AKT3: variants seen among roughly 807,000 people sequenced by gnomAD.
The protein encoded by AKT3 is AKT serine/threonine kinase 3.
A neutral mutation model predicts 65.3 loss-of-function variants in AKT3; 15 were observed. That is an observed-to-expected ratio of 0.23 (90% confidence interval 0.15 to 0.35). The LOEUF (loss-of-function observed/expected upper bound fraction) is 0.35, where lower values mean the gene tolerates loss of function less well. Among genes scored for constraint, AKT3 ranks in the 10% least tolerant of loss-of-function variants. The pLI, the probability that AKT3 is intolerant of heterozygous loss-of-function variation, is 1.00. For missense variants in AKT3, 243 were observed against 576.5 expected (o/e 0.42, Z 5.92); for synonymous variants, 206 against 183.8 (o/e 1.12, Z -0.98).
At chr1:243,840,567 T>C (rs1558862934) in intron 2 of AKT3, among the ~76,000 whole-genome samples, 1 of 152,220 alleles carries the variant, frequency 6.6e-6, no homozygotes, top group Non-Finnish European at 1.5e-5. Flanking sequence ...TGTTTAGTCA[T>C]ATTATTTATA....
At chr1:243,544,711 T>G (rs1054657426) in intron 12 of AKT3, among the ~76,000 whole-genome samples, 104 of 149,388 alleles carry the variant, frequency 7.0e-4, no homozygotes, top group African/African-American at 2.6e-3. Flanking sequence ...TTTTGTTTTT[T>G]TTTTTTTTAA....
chr1:243,643,227 G>C (rs1306158993), intron 5 of AKT3, among the ~76,000 whole-genome samples: 1 of 152,132 alleles, frequency 6.6e-6, no homozygotes, highest in African/African-American at 2.4e-5. Flanking sequence ...AGTTACTACA[G>C]CCAGGAATTA....
chr1:243,730,475 T>A (rs1351874774), intron 2 of AKT3, among the ~76,000 whole-genome samples: 1 of 152,196 alleles, frequency 6.6e-6, no homozygotes, highest in Non-Finnish European at 1.5e-5. Context: ...GGTGGTGACA[T>A]GCTCCCATTT....
intron 2 of AKT3, among the ~76,000 whole-genome samples, chr1:243,708,073 C>T (rs996400810): frequency 2.6e-5 from 4 of 151,954 alleles, no homozygotes; most frequent in South Asian, 2.1e-4. Flanking sequence ...AAAACTAAAA[C>T]GCACCCGCCA....
intron 4 of AKT3, among the ~76,000 whole-genome samples, chr1:243,649,323 GT>G (rs1558683165): frequency 2.9e-5 from 4 of 136,386 alleles, no homozygotes; most frequent in Non-Finnish European, 6.1e-5. Flanking sequence ...ATGTGTGTGT[GT>G]GTGTGTGTGT....
At chr1:243,519,190 C>T (rs1271587420) in intron 12 of AKT3, among the ~76,000 whole-genome samples, 2 of 152,216 alleles carry the variant, frequency 1.3e-5, no homozygotes, top group East Asian at 3.8e-4. Flanking sequence ...GCAGAAACAA[C>T]AGCCAACACC....
chr1:243,698,986 C>T (rs1319443429), intron 2 of AKT3, among the ~76,000 whole-genome samples: 4 of 151,104 alleles, frequency 2.6e-5, no homozygotes, highest in African/African-American at 9.7e-5. Flanking sequence ...CCTAGCTGTT[C>T]GAAAAGGAAC....
intron 2 of AKT3, among the ~76,000 whole-genome samples, chr1:243,754,919 G>A (rs982484883): frequency 6.6e-6 from 1 of 152,122 alleles, no homozygotes; most frequent in African/African-American, 2.4e-5. Context: ...AAGAATGATC[G>A]GGTTCAAAAA....
intron 2 of AKT3, among the ~76,000 whole-genome samples, chr1:243,777,404 A>G (rs1316690301): frequency 1.3e-5 from 2 of 152,224 alleles, no homozygotes; most frequent in Admixed American, 1.3e-4. Context: ...ACTGGTCCAC[A>G]GCATGGGTGT....
chr1:243,843,411 T>C, intron 1 of AKT3, 129 bp from the exon 2 acceptor site: 2 of 1,127,130 alleles, frequency 1.8e-6, no homozygotes, highest in Non-Finnish European at 2.3e-6. Context: ...CTCTTCAAAC[T>C]GGGGAACTTA....
intron 8 of AKT3, among the ~76,000 whole-genome samples, chr1:243,610,406 G>T (rs961129988): frequency 6.6e-6 from 1 of 152,118 alleles, no homozygotes; most frequent in Admixed American, 6.5e-5. Flanking sequence ...CACTTTGATG[G>T]GAAAGACAGA....
intron 8 of AKT3, among the ~76,000 whole-genome samples, chr1:243,585,162 G>A (rs1675699553): frequency 6.6e-6 from 1 of 151,852 alleles, no homozygotes; most frequent in Non-Finnish European, 1.5e-5. Flanking sequence ...AAAAATCCAG[G>A]AATACATCTA....
intron 2 of AKT3, among the ~76,000 whole-genome samples, chr1:243,812,880 G>A (rs1693258541): frequency 1.3e-5 from 2 of 152,012 alleles, no homozygotes; most frequent in Non-Finnish European, 2.9e-5. Flanking sequence ...GGACATGGAT[G>A]AAGCTGGAAA....
intron 8 of AKT3, among the ~76,000 whole-genome samples, chr1:243,580,758 G>A (rs1558630308): frequency 6.6e-6 from 1 of 152,186 alleles, no homozygotes; most frequent in East Asian, 1.9e-4. Flanking sequence ...CTGTTCTCCT[G>A]AGATTGTGGT....
intron 2 of AKT3, among the ~76,000 whole-genome samples, chr1:243,705,271 A>G (rs1242310108): frequency 2.0e-5 from 3 of 152,176 alleles, no homozygotes; most frequent in African/African-American, 7.2e-5. Context: ...TTTGAAGCTG[A>G]TGAGATGATG....
At chr1:243,846,501 A>C (rs992672440) in intron 1 of AKT3, among the ~76,000 whole-genome samples, 2 of 152,174 alleles carry the variant, frequency 1.3e-5, no homozygotes, top group African/African-American at 2.4e-5. Flanking sequence ...GAACTAAAAA[A>C]CACATCAACA....
At chr1:243,737,058 T>C (rs1471396354) in intron 2 of AKT3, among the ~76,000 whole-genome samples, 1 of 152,168 alleles carries the variant, frequency 6.6e-6, no homozygotes, top group African/African-American at 2.4e-5. Context: ...CAAGAGTCCT[T>C]TCTGTCACAC....
At chr1:243,515,550 G>A (rs1415374488) in intron 12 of AKT3, among the ~76,000 whole-genome samples, 1 of 152,100 alleles carries the variant, frequency 6.6e-6, no homozygotes, top group Admixed American at 6.6e-5. Flanking sequence ...GATTGGTTTT[G>A]AATGTTAAAT....
chr1:243,776,337 G>T (rs569191120), intron 2 of AKT3, among the ~76,000 whole-genome samples: 1 of 152,128 alleles, frequency 6.6e-6, no homozygotes, highest in African/African-American at 2.4e-5. Context: ...AACAAAATCC[G>T]TATGTTGAAA....
Sources: gnomAD v4.1 joint callset for allele counts (sites outside exome capture counted in the v4.1 genomes callset) on GRCh38, gnomAD v4.1.1 for gene constraint, MANE v1.5 for transcripts, NCBI Gene and HGNC (gene_info 2026-07-23, HGNC 2026-07-21) for gene names.